Variants in PCDHGA2 observed in about 807,000 individuals in gnomAD.
PCDHGA2 encodes protocadherin gamma-A2.
Under a neutral mutation model 59.2 loss-of-function variants are expected in PCDHGA2, and 40 were observed. That is an observed-to-expected ratio of 0.68 (90% CI 0.52 to 0.88). The LOEUF (loss-of-function observed/expected upper bound fraction) is 0.88. Ranked by LOEUF, PCDHGA2 falls within the 40% of genes least tolerant of loss-of-function variation. The pLI, the probability that PCDHGA2 is intolerant of heterozygous loss-of-function variation, is 0.00. For synonymous variants in PCDHGA2, 560 were observed against 526.0 expected (o/e 1.06, Z -0.89); for missense variants, 1,226 against 1,204.0 (o/e 1.02, Z -0.27).
At chr5:141,470,734 G>C (rs970003510) in intron 1 of PCDHGA2, among the ~76,000 whole-genome samples, 1 of 152,128 alleles carries the variant, frequency 6.6e-6, no homozygotes, top group South Asian at 2.1e-4. Context: ...GTCTTGCTCT[G>C]TCGCCCTGGC....
intron 1 of PCDHGA2, chr5:141,400,460 G>GTGAT (rs760132234): frequency 6.2e-7 from 1 of 1,613,938 alleles, no homozygotes. Context: ...ATACTTTGTG[G>GTGAT]TGATTCATCT....
chr5:141,375,719 G>A (rs1478749716), intron 1 of PCDHGA2: 2 of 1,614,142 alleles, frequency 1.2e-6, no homozygotes, highest in South Asian at 2.2e-5. Flanking sequence ...TAGCAGCAAC[G>A]TGTCACTGAG....
intron 1 of PCDHGA2, chr5:141,414,372 A>G: frequency 1.2e-6 from 2 of 1,613,914 alleles, no homozygotes; most frequent in Non-Finnish European, 1.7e-6. Context: ...TTAAATTAGA[A>G]AAGTCCATTG....
intron 1 of PCDHGA2, chr5:141,408,732 A>AT: frequency 2.5e-6 from 4 of 1,610,016 alleles, no homozygotes; most frequent in Non-Finnish European, 3.4e-6. Context: ...TCTAATCCTT[A>AT]TTTTTCATTA....
chr5:141,408,358 G>C, intron 1 of PCDHGA2: 1 of 1,613,952 alleles, frequency 6.2e-7, no homozygotes, highest in South Asian at 1.1e-5. Context: ...ACCTCGCTAA[G>C]GATCTAGGGC....
Position 141,490,672 on chromosome 5 carries a change from G to T in PCDHGA2, c.2425-4135G>T. The T allele has an allele frequency of 6.2e-7, 1 of 1,614,114 alleles. No homozygotes were observed. Among genetic ancestry groups the T allele is most frequent in the Non-Finnish European group, 8.5e-7 (1 of 1,179,996 alleles). ...GGGCTCCCTTCTTTGCACTGTGGCT[G>T]CCTCAGATCCAGACACTGGGGATAA... On this transcript the variant is annotated intron_variant, in intron 1 of 3. Coordinates refer to ENST00000394576, the MANE Select transcript of PCDHGA2 (RefSeq NM_018915.4). The surrounding 1 kb of genome is among the most constrained non-coding windows in gnomAD (Gnocchi z 5.4).
intron 1 of PCDHGA2, chr5:141,370,705 T>A: frequency 6.2e-7 from 1 of 1,613,842 alleles, no homozygotes; most frequent in Non-Finnish European, 8.5e-7. Context: ...ACGTGTGTTC[T>A]GGAATTTGAA....
intron 1 of PCDHGA2, chr5:141,394,192 A>G: frequency 1.9e-6 from 3 of 1,613,840 alleles, no homozygotes; most frequent in East Asian, 2.2e-5. Flanking sequence ...TACTCAGCGT[A>G]TATCCTAGAG....
intron 1 of PCDHGA2, chr5:141,370,991 C>T (rs753428613): frequency 4.3e-6 from 7 of 1,613,954 alleles, no homozygotes; most frequent in Non-Finnish European, 5.9e-6. Flanking sequence ...TGAAAGCACC[C>T]CTGGACAGGG....
chr5:141,423,494 A>C lies in PCDHGA2; in HGVS notation c.2425-71313A>C, dbSNP rs753859784. ...CAGGCTTTCCTGCAAACCTATTCCCACGAGGTCTCTCTCATTGCGGACTCG... is the reference window on the plus strand; with the variant it reads ...CAGGCTTTCCTGCAAACCTATTCCCCCGAGGTCTCTCTCATTGCGGACTCG... On this transcript the variant is annotated intron_variant, in intron 1 of 3. Transcript: ENST00000394576. The C allele has an allele frequency of 3.8e-5, 61 of 1,613,842 alleles. No individual in the cohort carries two copies. The highest frequency in any genetic ancestry group is 5.9e-6 in the Non-Finnish European group (7 of 1,179,940).
chr5:141,399,886 G>T, intron 1 of PCDHGA2: 1 of 1,612,706 alleles, frequency 6.2e-7, no homozygotes, highest in Non-Finnish European at 8.5e-7. Flanking sequence ...GGTGACCAAG[G>T]TAGTGGCCGT....
chr5:141,364,541 A>T (rs753562113), intron 1 of PCDHGA2: 3 of 1,614,130 alleles, frequency 1.9e-6, no homozygotes, highest in Middle Eastern at 1.7e-4. Context: ...CTCCAGAGGT[A>T]GGACGCAGCT....
At chr5:141,409,908 C>T (rs1255447661) in intron 1 of PCDHGA2, 1 of 1,613,204 alleles carries the variant, frequency 6.2e-7, no homozygotes, top group Non-Finnish European at 8.5e-7. Context: ...GCTCTGGGTC[C>T]TGACGGCTCC....
intron 1 of PCDHGA2, chr5:141,422,315 C>T: frequency 6.5e-7 from 1 of 1,547,896 alleles, no homozygotes; most frequent in Non-Finnish European, 8.7e-7. Flanking sequence ...AACTCTCCTC[C>T]AGGTACAGTG....
chr5:141,399,617 TGGCCTCTTACGTGTCCATGAGC>T, intron 1 of PCDHGA2: 4 of 1,613,944 alleles, frequency 2.5e-6, no homozygotes. Flanking sequence ...CCTCTGGCAC[TGGCCTCTTACGTGTCCATGAGC>T]GCGCAAAGTG....
In PCDHGA2 at chr5:141,511,251, A is replaced by T. The variant is rs780892899; in HGVS notation, c.*78A>T. 2.0e-5 allele frequency: 32 copies of T among 1,571,672 alleles called. No homozygotes were observed. Among genetic ancestry groups the T allele is most frequent in the Non-Finnish European group, 2.6e-5 (30 of 1,158,828 alleles). ...TTCTCCTTACCTGCACCCAGGCCTC[A>T]GAGTTTCAGGGCTAACCCCCAGAAT... On this transcript the variant is annotated 3_prime_UTR_variant, in exon 4 of 4. Transcript: ENST00000394576.
intron 1 of PCDHGA2, chr5:141,417,570 T>A: frequency 2.7e-6 from 1 of 373,028 alleles, no homozygotes; most frequent in Non-Finnish European, 4.7e-6. Context: ...AAAAGTCAAG[T>A]TGCAGTCCCA....
At position 141,477,262 on chromosome 5, in the gene PCDHGA2, C is replaced by G; in HGVS notation, c.2425-17545C>G. On this transcript the variant is annotated intron_variant, in intron 1 of 3. Coordinates refer to ENST00000394576, the MANE Select transcript of PCDHGA2 (RefSeq NM_018915.4). The surrounding 1 kb of genome is among the most constrained non-coding windows in gnomAD (Gnocchi z 4.9). ...TCAGTGTGACTGACCTGGATGCTGG[C>G]GAGAACGGGCTGGTGACCTGCGAAG... The G allele has an allele frequency of 6.2e-7, 1 of 1,614,138 alleles. No homozygotes were observed.
intron 1 of PCDHGA2, chr5:141,379,765 A>G (rs1294190356): frequency 6.6e-6 from 1 of 152,120 alleles, no homozygotes; most frequent in Non-Finnish European, 1.5e-5. Context: ...CACCTGCAAT[A>G]CAGATCATTA....
Sources: gnomAD v4.1 joint callset for allele counts (sites outside exome capture counted in the v4.1 genomes callset) on GRCh38, gnomAD v4.1.1 for gene constraint, Gnocchi (gnomAD v3.1) non-coding constraint, MANE v1.5 for transcripts, NCBI Gene and HGNC (gene_info 2026-07-23, HGNC 2026-07-21) for gene names.